The following BEND5 variants were observed in gnomAD, a reference collection of about 807,000 sequenced individuals.
The protein encoded by BEND5 is BEN domain containing 5, also known as BEN domain-containing protein 5.
BEND5 carries 22 observed loss-of-function variants against 43.9 expected under a neutral mutation model. The ratio of observed to expected loss-of-function variants is 0.50; its 90% CI spans 0.36 to 0.72. The LOEUF (loss-of-function observed/expected upper bound fraction) is 0.72, where lower values mean the gene tolerates loss of function less well. BEND5 is among the 30% of genes least tolerant of loss of function. BEND5 has a pLI of 0.00. For missense variants in BEND5, 428 were observed against 550.6 expected, an observed-to-expected ratio of 0.78 and a Z score of 2.23; for synonymous variants, 228 against 225.9, an observed-to-expected ratio of 1.01 and a Z score of -0.08.
In BEND5 at chr1:48,741,120, A is replaced by G. The variant is rs552742169; in HGVS notation, c.894+1503T>C. Among the ~76,000 whole-genome samples, 9 of 152,292 alleles carry G rather than the reference A, an allele frequency of 5.9e-5. No individual in the cohort carries two copies. The South Asian group carries it at 1.7e-3, about 28-fold the overall frequency. ...CATCAGCCTTCAAGGCAAGGGAGAA[A>G]TAGATTTCTCTTGGAAGCTACTTTA... is the stretch of plus-strand genomic sequence containing the variant. On this transcript the variant is annotated intron_variant, in intron 4 of 5. Transcript: ENST00000371833.
chr1:48,752,135 C>T (rs941529294), intron 3 of BEND5, among the ~76,000 whole-genome samples: 1 of 152,206 alleles, frequency 6.6e-6, no homozygotes, highest in East Asian at 1.9e-4. Context: ...CTTACCTCCA[C>T]AAGGGAGATG....
rs752138377 is a variant in BEND5, at chr1:48,736,211, G to C, written c.1108+28C>G. 6.3e-7 allele frequency: 1 copy of C among 1,589,538 alleles called. No homozygotes were observed. The highest frequency in any genetic ancestry group is 1.3e-5 in the African/African-American group (1 of 74,280). ...TGACAGAGTAAAAGACAGAATCCCA[G>C]CCATTGTGTTTCCACTCAGTGACCT... On this transcript the variant is annotated intron_variant, in intron 5 of 5. Coordinates refer to ENST00000371833, the MANE Select transcript of BEND5 (RefSeq NM_024603.4). This position sits in a 1 kb window ranked among gnomAD's most constrained non-coding sequence, Gnocchi z 4.0.
At chr1:48,730,524 T>C (rs1189710756) in intron 5 of BEND5, among the ~76,000 whole-genome samples, 6 of 150,970 alleles carry the variant, frequency 4.0e-5, no homozygotes, top group Non-Finnish European at 3.0e-5. Flanking sequence ...GGCAGGAGAG[T>C]GGGTGTGGTG....
At chr1:48,740,358 AT>A (rs1302009389) in intron 4 of BEND5, among the ~76,000 whole-genome samples, 1 of 152,208 alleles carries the variant, frequency 6.6e-6, no homozygotes, top group Non-Finnish European at 1.5e-5. Context: ...CTAACCTGTT[AT>A]GTAATTATAG....
At position 48,742,767 on chromosome 1, in the gene BEND5, G is replaced by T; in HGVS notation, c.750C>A (p.Pro250=). 1 of 1,596,392 alleles carries T rather than the reference G, an allele frequency of 6.3e-7. No individual in the cohort carries two copies. The highest frequency in any genetic ancestry group is 1.1e-5 in the South Asian group (1 of 88,340). ...DVLLLRLGSG[P]AIDLEKVKSE... ...ACTTTACTTTTTCCAGATCAATGGC[G>T]GGACCTAGGCAGTTAAGAAAAGAAA... Residue 250 remains proline, a synonymous_variant, in exon 4 of 6, where the codon CCC becomes CCA. Transcript: ENST00000371833.
At position 48,773,667 on chromosome 1, in the gene BEND5, G is replaced by A. The variant is rs1644942126; in HGVS notation, c.226+2939C>T. 2.0e-5 allele frequency among the ~76,000 whole-genome samples: 3 copies of A among 152,158 alleles called. No homozygotes were observed. The South Asian group carries it at 6.2e-4, about 32-fold the overall frequency. On this transcript the variant is annotated intron_variant, in intron 1 of 5. Coordinates refer to ENST00000371833, the MANE Select transcript of BEND5 (RefSeq NM_024603.4). ...TTCCAAATCATGCTGTGTAGCTGAT[G>A]GGAACATCGGCTACTTTACAAAGGA...
Position 48,766,789 on chromosome 1 carries a change from C to A in BEND5, c.227-5319G>T, listed in dbSNP as rs111684938. The stretch of plus-strand genomic sequence containing the variant: ...ACCAGTCTCTTCCTGGACCCATGTT[C>A]CCAGAGTGAGGGTCGGGAAGTCCCA... On this transcript the variant is annotated intron_variant, in intron 1 of 5. Transcript: ENST00000371833. 9.9e-3 allele frequency among the ~76,000 whole-genome samples: 1,512 copies of A among 152,300 alleles called. 26 individuals carry two copies. Among genetic ancestry groups the A allele is most frequent in the African/African-American group, 0.034 (1,421 of 41,560 alleles).
At chr1:48,737,278 C>T (rs1296176222) in intron 4 of BEND5, among the ~76,000 whole-genome samples, 2 of 151,546 alleles carry the variant, frequency 1.3e-5, no homozygotes, top group Non-Finnish European at 1.5e-5. Flanking sequence ...AGCGAGACTC[C>T]GTCTCAAAAA....
At chr1:48,753,107 G>A (rs573821556) in intron 3 of BEND5, among the ~76,000 whole-genome samples, 5 of 152,300 alleles carry the variant, frequency 3.3e-5, no homozygotes, top group African/African-American at 1.2e-4. Context: ...TTGTACAGAT[G>A]AGGAAACTAA....
chr1:48,749,301 C>T (rs1651278631), intron 3 of BEND5, among the ~76,000 whole-genome samples: 1 of 152,166 alleles, frequency 6.6e-6, no homozygotes, highest in Non-Finnish European at 1.5e-5. Context: ...AGCTCCCTGA[C>T]TAGAACATAA....
At chr1:48,741,921 T>G (rs965800029) in intron 4 of BEND5, among the ~76,000 whole-genome samples, 6 of 152,226 alleles carry the variant, frequency 3.9e-5, no homozygotes, top group African/African-American at 1.4e-4. Context: ...TAGAAGAATG[T>G]CAGAAAAATT....
chr1:48,729,336 G>A (rs1647717768), intron 5 of BEND5, among the ~76,000 whole-genome samples: 1 of 152,204 alleles, frequency 6.6e-6, no homozygotes, highest in Non-Finnish European at 1.5e-5. Context: ...AAATATTCTG[G>A]ATGGAAGAGG....
At chr1:48,763,240 G>A (rs1178886109) in intron 1 of BEND5, among the ~76,000 whole-genome samples, 1 of 152,170 alleles carries the variant, frequency 6.6e-6, no homozygotes, top group East Asian at 1.9e-4. Flanking sequence ...CCACTGAGTG[G>A]AGGAGCAATC....
intron 3 of BEND5, among the ~76,000 whole-genome samples, chr1:48,748,867 T>G (rs188318332): frequency 7.2e-5 from 11 of 151,860 alleles, no homozygotes; most frequent in African/African-American, 2.7e-4. Context: ...TTTCTGTGAG[T>G]GAGGGCAGGA....
chr1:48,741,553 T>C (rs1430531804), intron 4 of BEND5, among the ~76,000 whole-genome samples: 1 of 152,230 alleles, frequency 6.6e-6, no homozygotes, highest in Admixed American at 6.5e-5. Context: ...CAGTGGGAGA[T>C]GCAGGGAACG....
intron 1 of BEND5, among the ~76,000 whole-genome samples, chr1:48,766,481 G>A (rs567716489): frequency 8.5e-5 from 13 of 152,298 alleles, no homozygotes; most frequent in East Asian, 1.9e-4. Context: ...GCCAGACCAC[G>A]TCCTCTATCC....
chr1:48,764,461 G>A (rs776475893), intron 1 of BEND5, among the ~76,000 whole-genome samples: 1 of 152,174 alleles, frequency 6.6e-6, no homozygotes, highest in African/African-American at 2.4e-5. Context: ...CACAAGAGGG[G>A]TAAAGAATAG....
chr1:48,744,325 C>T (rs1287292973), intron 3 of BEND5, among the ~76,000 whole-genome samples: 2 of 152,292 alleles, frequency 1.3e-5, no homozygotes, highest in East Asian at 3.9e-4. Flanking sequence ...GAAGCAAATA[C>T]CAAAGTTTCT....
At chr1:48,748,855 A>G (rs975627542) in intron 3 of BEND5, among the ~76,000 whole-genome samples, 1 of 151,946 alleles carries the variant, frequency 6.6e-6, no homozygotes, top group Non-Finnish European at 1.5e-5. Flanking sequence ...CTCTCTCTCC[A>G]TTTTCTGTGA....
Sources: allele counts gnomAD v4.1 joint callset (sites outside exome capture counted in the v4.1 genomes callset), GRCh38; gene constraint gnomAD v4.1.1; non-coding constraint Gnocchi (gnomAD v3.1); transcripts MANE v1.5; gene names NCBI Gene and HGNC (gene_info 2026-07-23, HGNC 2026-07-21).